The following OTOGL variants were observed in gnomAD, a reference collection of about 807,000 sequenced individuals.
OTOGL encodes otogelin-like protein.
A neutral mutation model predicts 318.5 loss-of-function variants in OTOGL; 285 were observed. The ratio of observed to expected loss-of-function variants is 0.89; its 90% CI spans 0.81 to 0.99. The LOEUF (loss-of-function observed/expected upper bound fraction) is 0.99. Among genes scored for constraint, OTOGL ranks in the 50% least tolerant of loss-of-function variants. OTOGL has a pLI of 0.00. For synonymous variants in OTOGL, 987 were observed against 936.5 expected (o/e 1.05, Z -0.99); for missense variants, 2,899 against 2,845.6 (o/e 1.02, Z -0.43).
intron 1 of OTOGL, among the ~76,000 whole-genome samples, chr12:80,116,913 C>G (rs2137090756): frequency 6.6e-6 from 1 of 152,264 alleles, no homozygotes; most frequent in South Asian, 2.1e-4. Flanking sequence ...GTCAGCTTCC[C>G]TGAACTTTGG....
chr12:80,354,533 G>A (rs1889754173), intron 46 of OTOGL, among the ~76,000 whole-genome samples: 1 of 152,128 alleles, frequency 6.6e-6, no homozygotes, highest in Non-Finnish European at 1.5e-5. Context: ...ATGAAAAAGT[G>A]CAAAATTGAG....
rs545652084 is a variant in OTOGL at position 80,166,855 on chromosome 12, G to A, written c.-19-42558G>A. 3.9e-5 allele frequency among the ~76,000 whole-genome samples: 6 copies of A among 152,174 alleles called. No homozygotes were observed. In the East Asian group the frequency reaches 1.2e-3, roughly 29 times the overall value. ...TGGTGAGATAAATAAAGCACGAATT[G>A]GAGACTTATGGCAACAGAGTCAGAG... On this transcript the variant is annotated intron_variant, in intron 1 of 58. Coordinates refer to ENST00000547103, the MANE Select transcript of OTOGL (RefSeq NM_001378609.3).
chr12:80,186,531 T>C (rs972073554), intron 1 of OTOGL, among the ~76,000 whole-genome samples: 8 of 152,208 alleles, frequency 5.3e-5, no homozygotes, highest in African/African-American at 1.9e-4. Context: ...GATTCACTTG[T>C]TGAAAAACTT....
At position 80,356,415 on chromosome 12, in the gene OTOGL, G is replaced by A. The variant is rs769647444; in HGVS notation, c.5807-1G>A. The A allele has an allele frequency of 1.2e-6, 2 of 1,604,116 alleles. No homozygotes were observed. Among genetic ancestry groups the A allele is most frequent in the Non-Finnish European group, 1.7e-6 (2 of 1,174,748 alleles). On this transcript the variant is annotated splice_acceptor_variant, in intron 47 of 58. Coordinates refer to ENST00000547103, the MANE Select transcript of OTOGL (RefSeq NM_001378609.3). LOFTEE classifies it high-confidence loss of function. ...ATTTTAACAGTTTTTCTTATTTATA[G>A]GATGTGACACGACTTTGTGTGAAAC...
At chr12:80,178,041 T>A (rs1874644908) in intron 1 of OTOGL, among the ~76,000 whole-genome samples, 1 of 132,842 alleles carries the variant, frequency 7.5e-6, no homozygotes, top group African/African-American at 2.6e-5. Flanking sequence ...TATTCTATTC[T>A]TTTCTTTCTT....
intron 1 of OTOGL, among the ~76,000 whole-genome samples, chr12:80,108,953 T>TATATATATATATATATATATATAC (rs1555268625): frequency 2.8e-5 from 4 of 142,752 alleles, no homozygotes; most frequent in African/African-American, 1.0e-4. Flanking sequence ...TATATATATA[T>TATATATATATATATATATATATAC]ACACACACAC....
At chr12:80,323,150 A>G (rs1887456738) in intron 34 of OTOGL, among the ~76,000 whole-genome samples, 1 of 36,010 alleles carries the variant, frequency 2.8e-5, no homozygotes, top group Admixed American at 2.6e-4. Context: ...ACACACACAT[A>G]TATAAAATAT....
chr12:80,375,694 A>G (rs918707910), intron 57 of OTOGL, among the ~76,000 whole-genome samples: 2 of 152,148 alleles, frequency 1.3e-5, no homozygotes, highest in African/African-American at 4.8e-5. Flanking sequence ...ACGGAAAGTG[A>G]GAGGAGGAAG....
intron 27 of OTOGL, among the ~76,000 whole-genome samples, chr12:80,301,859 C>A (rs1447191838): frequency 3.3e-5 from 5 of 152,298 alleles, no homozygotes; most frequent in Non-Finnish European, 7.4e-5. Flanking sequence ...CTGTTCATGC[C>A]TTTTACTCAC....
chr12:80,352,715 A>G (rs895445354), intron 45 of OTOGL, among the ~76,000 whole-genome samples: 1 of 152,182 alleles, frequency 6.6e-6, no homozygotes, highest in Non-Finnish European at 1.5e-5. Flanking sequence ...AATGTGTGTC[A>G]TCTCCAATTT....
At chr12:80,352,150 G>A in intron 44 of OTOGL, 145 bp from the exon 45 acceptor site, 1 of 682,608 alleles carries the variant, frequency 1.5e-6, no homozygotes, top group Non-Finnish European at 2.3e-6. Context: ...TTAATATTAA[G>A]AATTTTTGAA....
chr12:80,237,336 A>G (rs1411260052), intron 9 of OTOGL, among the ~76,000 whole-genome samples: 2 of 152,182 alleles, frequency 1.3e-5, no homozygotes, highest in African/African-American at 2.4e-5. Flanking sequence ...TTTTGTGAGC[A>G]ATAGCAGCCA....
At chr12:80,129,960 C>G (rs1316429685) in intron 1 of OTOGL, among the ~76,000 whole-genome samples, 1 of 152,132 alleles carries the variant, frequency 6.6e-6, no homozygotes, top group East Asian at 1.9e-4. Flanking sequence ...GGCTAAAAAC[C>G]ATGAACTTAT....
chr12:80,175,315 T>C (rs1485528510), intron 1 of OTOGL, among the ~76,000 whole-genome samples: 3 of 152,188 alleles, frequency 2.0e-5, no homozygotes, highest in Non-Finnish European at 2.9e-5. Context: ...AGCTCTCAGA[T>C]GAACACACAT....
chr12:80,321,304 G>GC (rs1435287983), intron 34 of OTOGL, among the ~76,000 whole-genome samples: 2 of 152,126 alleles, frequency 1.3e-5, no homozygotes, highest in African/African-American at 4.8e-5. Context: ...AAATCCAGAA[G>GC]CTTGATATCT....
chr12:80,170,079 T>C (rs909054499), intron 1 of OTOGL, among the ~76,000 whole-genome samples: 2 of 152,148 alleles, frequency 1.3e-5, no homozygotes, highest in Non-Finnish European at 2.9e-5. Context: ...TAAGGAACTG[T>C]CAAACAATTT....
rs369882790 is a variant in OTOGL at position 80,256,332 on chromosome 12, C to T, written c.1588-5C>T. ...CCTTGCATTGATAATTTGATTTTTA[C>T]GCAGAATCTTGGCTTGGTCTGCCTT... On this transcript the variant is annotated splice_polypyrimidine_tract_variant and splice_region_variant and intron_variant, in intron 16 of 58. Coordinates refer to ENST00000547103, the MANE Select transcript of OTOGL (RefSeq NM_001378609.3). 5.5e-5 allele frequency: 88 copies of T among 1,592,904 alleles called. No individual in the cohort carries two copies. Among genetic ancestry groups the T allele is most frequent in the African/African-American group, 6.7e-5 (5 of 74,608 alleles).
intron 9 of OTOGL, among the ~76,000 whole-genome samples, chr12:80,234,485 T>C (rs35787494): frequency 6.6e-6 from 1 of 152,194 alleles, no homozygotes; most frequent in Non-Finnish European, 1.5e-5. Context: ...AGTCAGACTG[T>C]GTGATTCAAA....
Position 80,232,941 on chromosome 12 carries a change from GA to G in OTOGL, c.662del (p.Asp221AlafsTer5), listed in dbSNP as rs1555281089. On this transcript the variant is annotated frameshift_variant, in exon 9 of 59. Coordinates refer to ENST00000547103, the MANE Select transcript of OTOGL (RefSeq NM_001378609.3). LOFTEE classifies it high-confidence loss of function. ...IGQIFIEKLA[D>X]YILVKTTFGF... ...ACAGATTTTCATTGAGAAACTAGCT[GA>G]CTACATTCTTGTGAAAACAACCTTT... 6.3e-7 allele frequency: 1 copy of G among 1,599,162 alleles called. No individual in the cohort carries two copies. The highest frequency in any genetic ancestry group is 8.5e-7 in the Non-Finnish European group (1 of 1,179,658).
Sources: gnomAD v4.1 joint callset for allele counts (sites outside exome capture counted in the v4.1 genomes callset) on GRCh38, gnomAD v4.1.1 for gene constraint, MANE v1.5 for transcripts, NCBI Gene and HGNC (gene_info 2026-07-23, HGNC 2026-07-21) for gene names.